Variants in TBC1D12 observed in about 807,000 individuals in gnomAD.
TBC1D12 encodes TBC1 domain family, member 12.
Under a neutral mutation model 86.7 loss-of-function variants are expected in TBC1D12, and 56 were observed. The observed-to-expected ratio is 0.65, with a 90% CI of 0.52 to 0.81. TBC1D12 has a LOEUF of 0.81. Ranked by LOEUF, TBC1D12 falls within the 30% of genes least tolerant of loss-of-function variation. TBC1D12 has a pLI of 0.00. For missense variants in TBC1D12, 1,023 were observed against 1,038.8 expected (o/e 0.98, Z 0.21); for synonymous variants, 421 against 411.7 (o/e 1.02, Z -0.27).
At chr10:94,457,307 C>T (rs2055642820) in intron 2 of TBC1D12, among the ~76,000 whole-genome samples, 1 of 152,040 alleles carries the variant, frequency 6.6e-6, no homozygotes, top group Non-Finnish European at 1.5e-5. Context: ...CTCCCTGTAT[C>T]CATGTGTTCT....
intron 1 of TBC1D12, among the ~76,000 whole-genome samples, chr10:94,425,167 C>A (rs370908790): frequency 4.9e-4 from 74 of 152,294 alleles, no homozygotes; most frequent in African/African-American, 1.7e-3. Flanking sequence ...TCTTCAAGTT[C>A]ATTTCCGGGG....
intron 1 of TBC1D12, among the ~76,000 whole-genome samples, chr10:94,405,021 T>C (rs543429140): frequency 6.8e-6 from 1 of 147,220 alleles, no homozygotes; most frequent in South Asian, 2.1e-4. Context: ...CACTGAAACC[T>C]GGGGAATAAG....
chr10:94,499,100 A>G (rs1281715984), intron 5 of TBC1D12, among the ~76,000 whole-genome samples: 1 of 152,196 alleles, frequency 6.6e-6, no homozygotes, highest in East Asian at 1.9e-4. Flanking sequence ...TGTTTACATT[A>G]TGGAATGATT....
intron 2 of TBC1D12, among the ~76,000 whole-genome samples, chr10:94,465,668 A>ATGTGTG (rs1488661977): frequency 3.7e-3 from 307 of 83,578 alleles, no homozygotes; most frequent in East Asian, 0.027. Flanking sequence ...ATATATATAT[A>ATGTGTG]TATGTGTGTG....
chr10:94,465,670 A>ATATATGTGTGTG lies in TBC1D12; in HGVS notation c.1096-8997_1096-8996insATATGTGTGTGT, dbSNP rs1473804309. ...TAAAAAAAAAAATATATATATATATATGTGTGTGTGTGTGTGTGTGTGTGT... is the reference window on the plus strand; with the variant it reads ...TAAAAAAAAAAATATATATATATATATATATGTGTGTGTGTGTGTGTGTGTGTGTGTGTGTGT... On this transcript the variant is annotated intron_variant, in intron 2 of 12. Coordinates refer to ENST00000225235, the MANE Select transcript of TBC1D12 (RefSeq NM_015188.2). Among the ~76,000 whole-genome samples the ATATATGTGTGTG allele has an allele frequency of 8.7e-5, 12 of 137,962 alleles. No individual in the cohort carries two copies. In the South Asian group the frequency reaches 1.2e-3, roughly 13 times the overall value. 90.5% of individuals were successfully genotyped at this position (137,962 alleles called of 152,430 possible).
chr10:94,504,463 T>C (rs2056436883), intron 6 of TBC1D12, among the ~76,000 whole-genome samples: 1 of 152,222 alleles, frequency 6.6e-6, no homozygotes, highest in Admixed American at 6.5e-5. Flanking sequence ...TCTCTCCTTT[T>C]TTATTAGTGC....
At chr10:94,507,404 G>C (rs2056473209) in intron 7 of TBC1D12, 57 bp downstream of exon 7, 4 of 1,433,676 alleles carry the variant, frequency 2.8e-6, no homozygotes, top group Non-Finnish European at 3.8e-6. Flanking sequence ...TACTGAGCAT[G>C]TATCAGAAGC....
chr10:94,474,564 G>GT (rs1464689842), intron 2 of TBC1D12, 104 bp from the exon 3 acceptor site: 1 of 795,684 alleles, frequency 1.3e-6, no homozygotes, highest in Non-Finnish European at 2.0e-6. Context: ...TTTTTGAATT[G>GT]TATGTATCCC....
At chr10:94,439,767 G>A (rs191421580) in intron 1 of TBC1D12, among the ~76,000 whole-genome samples, 79 of 152,254 alleles carry the variant, frequency 5.2e-4, no homozygotes, top group Non-Finnish European at 7.4e-5. Flanking sequence ...GAGCATAAAG[G>A]TGAATTTGGA....
intron 2 of TBC1D12, among the ~76,000 whole-genome samples, chr10:94,450,379 G>A (rs931384247): frequency 1.1e-4 from 17 of 151,866 alleles, no homozygotes; most frequent in African/African-American, 3.6e-4. Flanking sequence ...GTATTAGTAG[G>A]AATTAAGCAG....
At chr10:94,444,184 AAAAG>A (rs904730863) in intron 2 of TBC1D12, among the ~76,000 whole-genome samples, 6 of 151,784 alleles carry the variant, frequency 4.0e-5, no homozygotes, top group Admixed American at 1.3e-4. Context: ...AAAAAAAAAA[AAAAG>A]AATGAAAGAA....
At chr10:94,431,080 C>T (rs2134075029) in intron 1 of TBC1D12, among the ~76,000 whole-genome samples, 1 of 152,152 alleles carries the variant, frequency 6.6e-6, no homozygotes, top group South Asian at 2.1e-4. Flanking sequence ...CTACCATTCC[C>T]TGTTATGTGC....
chr10:94,529,459 A>C (rs1000013155), intron 11 of TBC1D12, among the ~76,000 whole-genome samples: 3 of 152,184 alleles, frequency 2.0e-5, no homozygotes, highest in African/African-American at 7.2e-5. Flanking sequence ...TCTCTACTAA[A>C]AATACAAAAT....
chr10:94,470,596 C>T (rs1272793155), intron 2 of TBC1D12, among the ~76,000 whole-genome samples: 3 of 151,260 alleles, frequency 2.0e-5, no homozygotes, highest in African/African-American at 7.3e-5. Flanking sequence ...CTCCTAGGCA[C>T]AAGTGATCTG....
chr10:94,469,559 C>G (rs919099505), intron 2 of TBC1D12, among the ~76,000 whole-genome samples: 1 of 147,756 alleles, frequency 6.8e-6, no homozygotes, highest in Non-Finnish European at 1.5e-5. Context: ...AAGTGATTCT[C>G]CTGCCTCAAC....
chr10:94,440,392 T>C (rs1051777032), intron 1 of TBC1D12, among the ~76,000 whole-genome samples: 2 of 152,104 alleles, frequency 1.3e-5, no homozygotes, highest in African/African-American at 2.4e-5. Flanking sequence ...GCCCAGGCTG[T>C]TCTCAAACTC....
At chr10:94,510,819 T>G (rs1030959851) in intron 8 of TBC1D12, among the ~76,000 whole-genome samples, 1 of 152,086 alleles carries the variant, frequency 6.6e-6, no homozygotes, top group African/African-American at 2.4e-5. Flanking sequence ...CTGATTCAAG[T>G]CTTTATACAT....
intron 11 of TBC1D12, among the ~76,000 whole-genome samples, chr10:94,530,632 G>C (rs1842397174): frequency 6.6e-6 from 1 of 152,024 alleles, no homozygotes; most frequent in African/African-American, 2.4e-5. Flanking sequence ...AGAAACTGAG[G>C]CACAGTAAAG....
chr10:94,414,709 C>T (rs1227855998), intron 1 of TBC1D12, among the ~76,000 whole-genome samples: 1 of 151,388 alleles, frequency 6.6e-6, no homozygotes, highest in Non-Finnish European at 1.5e-5. Context: ...CAGCGATTCT[C>T]CCATCTCAGC....
Sources: allele counts gnomAD v4.1 joint callset (sites outside exome capture counted in the v4.1 genomes callset), GRCh38; gene constraint gnomAD v4.1.1; transcripts MANE v1.5; gene names NCBI Gene and HGNC (gene_info 2026-07-23, HGNC 2026-07-21).